Variants in TSPAN11 observed in about 807,000 individuals in gnomAD.
TSPAN11 encodes tetraspanin 11, also known as tetraspanin-11.
In TSPAN11, 29 loss-of-function variants were observed where a neutral mutation model predicts 32.9. The observed-to-expected ratio is 0.88, with a 90% CI of 0.66 to 1.20. The LOEUF (loss-of-function observed/expected upper bound fraction) is 1.20, where lower values mean the gene tolerates loss of function less well. TSPAN11 is among the 50% of genes most tolerant of loss of function. TSPAN11 has a pLI of 0.00. For missense variants in TSPAN11, 283 were observed against 329.1 expected, an observed-to-expected ratio of 0.86 and a Z score of 1.08; for synonymous variants, 140 against 141.3, an observed-to-expected ratio of 0.99 and a Z score of 0.07.
the TSPAN11 span, among the ~76,000 whole-genome samples, chr12:31,016,128 A>C: frequency 6.6e-6 from 1 of 152,230 alleles, no homozygotes; most frequent in African/African-American, 2.4e-5. Context: ...GTTTTATTTA[A>C]AAAAATTAAA....
At position 30,984,712 on chromosome 12, in the gene TSPAN11, C is replaced by G. The variant is rs565514241; in HGVS notation, c.702+1562C>G. 2.0e-5 allele frequency among the ~76,000 whole-genome samples: 3 copies of G among 152,128 alleles called. No homozygotes were observed. In the South Asian group the frequency reaches 6.2e-4, roughly 32 times the overall value. On this transcript the variant is annotated intron_variant, in intron 7 of 7. Transcript: ENST00000546076. The stretch of plus-strand genomic sequence containing the variant: ...TAGCTGGGATTACAGGTGCCCACCA[C>G]CACGCCGCCTAGTTTTGTATTTTTA...
rs1449578948 is a variant in TSPAN11 at position 30,959,206 on chromosome 12, G to A, written c.85-4620G>A. Among the ~76,000 whole-genome samples the A allele has an allele frequency of 2.6e-5, 4 of 152,252 alleles. No individual in the cohort carries two copies. In the East Asian group the frequency reaches 5.8e-4, roughly 22 times the overall value. On this transcript the variant is annotated intron_variant, in intron 2 of 7. Transcript: ENST00000546076. ...TGTGCTGGGCCGCGTTCTGAGGGGA[G>A]TGAGGGGACTTTCCCTGCCCCAAGT... is the stretch of plus-strand genomic sequence containing the variant.
chr12:31,008,827 A>G, the TSPAN11 span, among the ~76,000 whole-genome samples: 9 of 152,256 alleles, frequency 5.9e-5, no homozygotes, highest in South Asian at 6.2e-4. Flanking sequence ...ATCTAAAGCA[A>G]GACTGGGTTC....
At chr12:31,015,087 T>C in the TSPAN11 span, among the ~76,000 whole-genome samples, 2 of 152,266 alleles carry the variant, frequency 1.3e-5, no homozygotes, top group East Asian at 3.8e-4. The surrounding 1 kb of genome is among the most constrained non-coding windows in gnomAD (Gnocchi z 4.9). Context: ...TAAACGCATA[T>C]TCTTTAATAA....
chr12:30,968,802 C>T (rs1938789493), intron 3 of TSPAN11, among the ~76,000 whole-genome samples: 5 of 152,304 alleles, frequency 3.3e-5, no homozygotes, highest in South Asian at 2.1e-4. Flanking sequence ...AATTGCCACA[C>T]CTCCATCCAA....
At chr12:30,958,312 T>G (rs890916335) in intron 2 of TSPAN11, among the ~76,000 whole-genome samples, 3 of 152,186 alleles carry the variant, frequency 2.0e-5, no homozygotes, top group African/African-American at 7.2e-5. Flanking sequence ...GAAATAGCCC[T>G]TAGCATAACA....
intron 2 of TSPAN11, among the ~76,000 whole-genome samples, chr12:30,963,226 TCTC>T (rs1938649676): frequency 6.6e-6 from 1 of 152,168 alleles, no homozygotes; most frequent in Non-Finnish European, 1.5e-5. Context: ...GGCTCTGAGT[TCTC>T]CTCCTGTCTC....
intron 3 of TSPAN11, among the ~76,000 whole-genome samples, chr12:30,966,677 G>C (rs564313401): frequency 6.6e-6 from 1 of 152,362 alleles, no homozygotes; most frequent in Admixed American, 6.5e-5. Flanking sequence ...AGAGGCCAAG[G>C]GGGAGGATGT....
intron 7 of TSPAN11, among the ~76,000 whole-genome samples, chr12:30,987,644 A>G (rs1939226354): frequency 6.6e-6 from 1 of 152,086 alleles, no homozygotes; most frequent in African/African-American, 2.4e-5. Context: ...CCCCGCAGCA[A>G]AATGAAACAA....
At chr12:30,944,576 C>T (rs1441372682) in intron 1 of TSPAN11, among the ~76,000 whole-genome samples, 2 of 147,250 alleles carry the variant, frequency 1.4e-5, no homozygotes, top group Non-Finnish European at 2.9e-5. Context: ...TCTGCACTCC[C>T]ATGTCCATGT....
chr12:30,943,991 C>T (rs1252945975), intron 1 of TSPAN11, among the ~76,000 whole-genome samples: 1 of 152,194 alleles, frequency 6.6e-6, no homozygotes, highest in African/African-American at 2.4e-5. Flanking sequence ...GCAGGCATGA[C>T]CTCTTGTTGG....
Position 30,964,028 on chromosome 12 carries a change from G to T in TSPAN11, c.276+11G>T, listed in dbSNP as rs200506885. On this transcript the variant is annotated intron_variant, in intron 3 of 7. Transcript: ENST00000546076. Reference sequence around the variant, plus strand: ...GGCTGCCTCTCCACGGTCAGTGCCCGCCCTGTGCTCTGCAGGGATGGGGAG... The same window carrying T: ...GGCTGCCTCTCCACGGTCAGTGCCCTCCCTGTGCTCTGCAGGGATGGGGAG... 3 of 1,611,066 alleles carry T rather than the reference G, an allele frequency of 1.9e-6. No homozygotes were observed. The highest frequency in any genetic ancestry group is 3.3e-5 in the Admixed American group (2 of 59,966).
downstream of TSPAN11, among the ~76,000 whole-genome samples, chr12:30,998,127 C>T (rs1486929182): frequency 6.6e-6 from 1 of 151,880 alleles, no homozygotes; most frequent in Admixed American, 6.6e-5. Flanking sequence ...AATCATCCAA[C>T]ACGAATGTAC....
chr12:30,952,485 G>A (rs1002091789), intron 1 of TSPAN11, among the ~76,000 whole-genome samples: 1 of 152,216 alleles, frequency 6.6e-6, no homozygotes, highest in Non-Finnish European at 1.5e-5. Flanking sequence ...AAGACTAGCA[G>A]TCTTAAATTA....
chr12:31,006,497 G>A, the TSPAN11 span, among the ~76,000 whole-genome samples: 5 of 152,244 alleles, frequency 3.3e-5, no homozygotes, highest in African/African-American at 9.6e-5. Flanking sequence ...CCTCCTCAAG[G>A]GCCAGGATTT....
chr12:30,926,820 G>A, intron 1 of TSPAN11, 24 bp downstream of exon 1: 3 of 643,236 alleles, frequency 4.7e-6, no homozygotes, highest in Non-Finnish European at 6.6e-6. Flanking sequence ...CGCGCCCGAG[G>A]AGTGGGGGCG....
chr12:30,972,887 C>T (rs1388914627), intron 3 of TSPAN11, among the ~76,000 whole-genome samples: 1 of 151,930 alleles, frequency 6.6e-6, no homozygotes, highest in African/African-American at 2.4e-5. Flanking sequence ...GGACTGAACA[C>T]AGGGCAGTGA....
chr12:30,970,847 T>C (rs1271843003), intron 3 of TSPAN11, among the ~76,000 whole-genome samples: 2 of 152,200 alleles, frequency 1.3e-5, no homozygotes, highest in African/African-American at 4.8e-5. Flanking sequence ...CTCTCTTTTC[T>C]GCACAAATGG....
chr12:30,986,276 T>C (rs916485128), intron 7 of TSPAN11, among the ~76,000 whole-genome samples: 1 of 152,246 alleles, frequency 6.6e-6, no homozygotes, highest in Non-Finnish European at 1.5e-5. Flanking sequence ...GCCTGATTTC[T>C]AAACATAGCC....
Sources: allele counts gnomAD v4.1 joint callset (sites outside exome capture counted in the v4.1 genomes callset), GRCh38; gene constraint gnomAD v4.1.1; non-coding constraint Gnocchi (gnomAD v3.1); transcripts MANE v1.5; gene names NCBI Gene and HGNC (gene_info 2026-07-23, HGNC 2026-07-21).